The following MSH4 variants were observed in gnomAD, a reference collection of about 807,000 sequenced individuals.
The protein encoded by MSH4 is mutS protein homolog 4.
Under a neutral mutation model 113.7 loss-of-function variants are expected in MSH4, and 106 were observed. The observed-to-expected ratio is 0.93, with a 90% CI of 0.80 to 1.10. The LOEUF is 1.10. Among genes scored for constraint, MSH4 ranks in the 50% least tolerant of loss-of-function variants. The pLI is 0.00. For missense variants in MSH4, 1,061 were observed against 1,093.7 expected, an observed-to-expected ratio of 0.97 and a Z score of 0.42; for synonymous variants, 368 against 380.2, an observed-to-expected ratio of 0.97 and a Z score of 0.37.
At chr1:75,885,302 A>G (rs2100576355) in intron 15 of MSH4, among the ~76,000 whole-genome samples, 1 of 97,628 alleles carries the variant, frequency 1.0e-5, no homozygotes, top group East Asian at 2.9e-4. Flanking sequence ...CGTAGTATAT[A>G]TAGACTCACA....
At chr1:75,808,835 A>G (rs5745347) in intron 3 of MSH4, among the ~76,000 whole-genome samples, 41,969 of 152,038 alleles carry the variant, frequency 0.28, 6,068 homozygotes, top group Middle Eastern at 0.37. Flanking sequence ...CTCATCATTC[A>G]TTTGGGCCAC....
At chr1:75,894,006 G>T (rs1253784031) in intron 17 of MSH4, among the ~76,000 whole-genome samples, 1 of 152,134 alleles carries the variant, frequency 6.6e-6, no homozygotes, top group Non-Finnish European at 1.5e-5. Flanking sequence ...TGTCATTTAA[G>T]ATCACTTACC....
chr1:75,881,959 G>A (rs1335613042), intron 14 of MSH4, among the ~76,000 whole-genome samples: 1 of 151,984 alleles, frequency 6.6e-6, no homozygotes, highest in Non-Finnish European at 1.5e-5. Flanking sequence ...TACTGGACTA[G>A]TATGTGATAA....
intron 7 of MSH4, among the ~76,000 whole-genome samples, chr1:75,836,555 CCT>C (rs1650833166): frequency 1.3e-5 from 2 of 152,230 alleles, no homozygotes; most frequent in South Asian, 4.1e-4. Flanking sequence ...TAAATCCTTG[CCT>C]CAGTGTCTGT....
At chr1:75,808,254 A>G (rs1232939650) in intron 3 of MSH4, among the ~76,000 whole-genome samples, 1 of 152,174 alleles carries the variant, frequency 6.6e-6, no homozygotes, top group East Asian at 1.9e-4. Context: ...TACCAACCAT[A>G]GTGATATGCA....
At chr1:75,840,059 A>G (rs2100538961) in intron 7 of MSH4, among the ~76,000 whole-genome samples, 1 of 152,090 alleles carries the variant, frequency 6.6e-6, no homozygotes, top group East Asian at 1.9e-4. Flanking sequence ...GAACACTTTT[A>G]CACTGTTGGT....
intron 17 of MSH4, among the ~76,000 whole-genome samples, chr1:75,897,451 C>T (rs1012622299): frequency 6.6e-6 from 1 of 152,098 alleles, no homozygotes; most frequent in Non-Finnish European, 1.5e-5. Context: ...AAGACAATCT[C>T]TTGATTCCAC....
At chr1:75,807,262 T>C in intron 3 of MSH4, 121 bp downstream of exon 3, 1 of 666,770 alleles carries the variant, frequency 1.5e-6, no homozygotes, top group Non-Finnish European at 2.3e-6. Flanking sequence ...ATTATGTCAA[T>C]GTAAATACTC....
intron 14 of MSH4, among the ~76,000 whole-genome samples, chr1:75,883,171 A>ATTTTT (rs11368450): frequency 1.5e-5 from 2 of 135,566 alleles, no homozygotes; most frequent in Non-Finnish European, 1.6e-5. Context: ...CACCTGGCTA[A>ATTTTT]TTTTTTTTTT....
intron 1 of MSH4, among the ~76,000 whole-genome samples, chr1:75,798,544 A>C (rs1309088316): frequency 6.8e-6 from 1 of 146,906 alleles, no homozygotes; most frequent in Non-Finnish European, 1.5e-5. Context: ...ATGATTAATT[A>C]AATTCCTCTC....
rs950221951 is a variant in MSH4 at position 75,803,981 on chromosome 1, G to A, written c.427+68G>A. The A allele has an allele frequency of 2.4e-5, 27 of 1,122,940 alleles. No homozygotes were observed. The Admixed American group carries it at 2.7e-4, about 11-fold the overall frequency. The allele number at this position is 1,122,940 out of a possible 1,614,324, so 69.6% of individuals were successfully genotyped here. On this transcript the variant is annotated intron_variant, in intron 2 of 19. Transcript: ENST00000263187. ...TAAAAGTTTTATAAATTATAAATTA[G>A]GGTTATTAAGTTCATTTGAATTTAT...
intron 19 of MSH4, among the ~76,000 whole-genome samples, chr1:75,903,355 T>C (rs1344018946): frequency 6.6e-6 from 1 of 152,050 alleles, no homozygotes; most frequent in Non-Finnish European, 1.5e-5. Context: ...TGGACTTATT[T>C]CTGGGTTCTC....
chr1:75,864,262 C>G (rs5745419), intron 8 of MSH4, among the ~76,000 whole-genome samples: 3,314 of 152,200 alleles, frequency 0.022, 127 homozygotes, highest in African/African-American at 0.076. Flanking sequence ...TTATCCATTT[C>G]ATAATTGCTG....
intron 8 of MSH4, 65 bp from the exon 9 acceptor site, chr1:75,867,449 G>A: frequency 5.7e-6 from 5 of 880,578 alleles, no homozygotes; most frequent in Non-Finnish European, 7.4e-6. Context: ...ATGTTCAAGA[G>A]GAAAACCCAT....
chr1:75,900,802 A>G (rs142090223), intron 19 of MSH4, among the ~76,000 whole-genome samples: 2 of 152,260 alleles, frequency 1.3e-5, no homozygotes, highest in Non-Finnish European at 2.9e-5. Context: ...TCTCTTAGTC[A>G]GAAATTTTAA....
chr1:75,808,490 G>A (rs1234659643), intron 3 of MSH4, among the ~76,000 whole-genome samples: 1 of 152,086 alleles, frequency 6.6e-6, no homozygotes, highest in African/African-American at 2.4e-5. Flanking sequence ...TTTTAAAAAT[G>A]CAAATCAATG....
At chr1:75,836,999 A>C (rs908203526) in intron 7 of MSH4, among the ~76,000 whole-genome samples, 1 of 152,152 alleles carries the variant, frequency 6.6e-6, no homozygotes, top group Admixed American at 6.5e-5. Flanking sequence ...CCTTCTGAGC[A>C]TTTGCTGTGA....
At chr1:75,804,259 A>G (rs763037228) in intron 2 of MSH4, among the ~76,000 whole-genome samples, 3 of 152,050 alleles carry the variant, frequency 2.0e-5, no homozygotes, top group African/African-American at 2.4e-5. Flanking sequence ...TTTAATTTTT[A>G]TCTAAATCTA....
At chr1:75,861,762 G>A (rs1651460955) in intron 8 of MSH4, among the ~76,000 whole-genome samples, 1 of 152,192 alleles carries the variant, frequency 6.6e-6, no homozygotes, top group Non-Finnish European at 1.5e-5. Context: ...TGTTATTGGG[G>A]CTCAAACACC....
Sources: allele counts gnomAD v4.1 joint callset (sites outside exome capture counted in the v4.1 genomes callset), GRCh38; gene constraint gnomAD v4.1.1; transcripts MANE v1.5; gene names NCBI Gene and HGNC (gene_info 2026-07-23, HGNC 2026-07-21).